Variants in DOCK2 observed in about 807,000 individuals in gnomAD.
DOCK2 encodes dedicator of cytokinesis protein 2.
A neutral mutation model predicts 248.9 loss-of-function variants in DOCK2; 87 were observed. The observed-to-expected ratio is 0.35, with a 90% CI of 0.29 to 0.42. The LOEUF (loss-of-function observed/expected upper bound fraction) is 0.42. DOCK2 is among the 10% of genes least tolerant of loss of function. The pLI, the probability that DOCK2 is intolerant of heterozygous loss-of-function variation, is 1.00. For synonymous variants in DOCK2, 805 were observed against 821.6 expected (o/e 0.98, Z 0.35); for missense variants, 1,747 against 2,300.2 (o/e 0.76, Z 4.92).
intron 29 of DOCK2, among the ~76,000 whole-genome samples, chr5:169,989,562 G>A (rs1778156962): frequency 6.6e-6 from 1 of 152,188 alleles, no homozygotes; most frequent in Non-Finnish European, 1.5e-5. Flanking sequence ...TCTAGCTGGG[G>A]AAACAATAAA....
At chr5:169,919,754 G>C (rs149492617) in intron 27 of DOCK2, among the ~76,000 whole-genome samples, 3 of 152,086 alleles carry the variant, frequency 2.0e-5, no homozygotes, top group Non-Finnish European at 4.4e-5. Context: ...CTGCTAATGT[G>C]GGGGCAACTG....
intron 27 of DOCK2, among the ~76,000 whole-genome samples, chr5:169,908,261 T>C (rs1302637452): frequency 6.6e-6 from 1 of 152,188 alleles, no homozygotes; most frequent in East Asian, 1.9e-4. Context: ...TGGTGGCAAC[T>C]AGATTTATTG....
intron 26 of DOCK2, among the ~76,000 whole-genome samples, chr5:169,831,386 C>T (rs531212459): frequency 2.2e-4 from 34 of 152,272 alleles, no homozygotes; most frequent in African/African-American, 7.7e-4. Flanking sequence ...TTGCTTGCTG[C>T]GTTTAGGTAT....
At chr5:170,031,591 C>G (rs1756137413) in intron 34 of DOCK2, among the ~76,000 whole-genome samples, 2 of 152,228 alleles carry the variant, frequency 1.3e-5, no homozygotes, top group African/African-American at 4.8e-5. Flanking sequence ...AGGAAGTACT[C>G]AATAAGTGGT....
chr5:169,766,205 G>T (rs536904801), intron 25 of DOCK2, among the ~76,000 whole-genome samples: 163 of 151,978 alleles, frequency 1.1e-3, no homozygotes, highest in Admixed American at 1.7e-3. Context: ...GCAGTTTTTT[G>T]ATCCTTACCC....
intron 48 of DOCK2, among the ~76,000 whole-genome samples, 193 bp from the exon 49 acceptor site, chr5:170,078,782 C>T (rs964705894): frequency 9.2e-5 from 14 of 152,226 alleles, no homozygotes; most frequent in African/African-American, 3.1e-4. Context: ...GTGAACTTTA[C>T]TCATCACATT....
rs1406462827 is a variant in DOCK2, at chr5:169,764,280, G to A, written c.2554+2655G>A. Among the ~76,000 whole-genome samples, 1 of 152,186 alleles carries A rather than the reference G, an allele frequency of 6.6e-6. No individual in the cohort carries two copies. The highest frequency in any genetic ancestry group is 2.1e-4 in the South Asian group (1 of 4,830). On this transcript the variant is annotated intron_variant, in intron 25 of 51. Transcript: ENST00000520908. This position sits in a 1 kb window ranked among gnomAD's most constrained non-coding sequence, Gnocchi z 4.3. ...CCTTGAACATTTGTATTGACATTAAGCGGAGGGACCAGAAGGCTTTTAAGC... is the reference window on the plus strand; with the variant it reads ...CCTTGAACATTTGTATTGACATTAAACGGAGGGACCAGAAGGCTTTTAAGC...
At chr5:169,761,253 A>G (rs1764473130) in intron 24 of DOCK2, 1 of 348,144 alleles carries the variant, frequency 2.9e-6, no homozygotes, top group Non-Finnish European at 5.3e-6. Flanking sequence ...GGCATAATGA[A>G]TGCAAAATGC....
At chr5:169,920,255 T>G (rs42421) in intron 27 of DOCK2, among the ~76,000 whole-genome samples, 62,709 of 152,000 alleles carry the variant, frequency 0.41, 13,843 homozygotes, top group African/African-American at 0.57. Flanking sequence ...ATTATGCAGT[T>G]ATTATGATGT....
chr5:169,882,059 T>A (rs1336900004), intron 27 of DOCK2, among the ~76,000 whole-genome samples: 1 of 152,190 alleles, frequency 6.6e-6, no homozygotes, highest in Non-Finnish European at 1.5e-5. Context: ...AATTAGTTGG[T>A]CATTGATGGG....
intron 8 of DOCK2, among the ~76,000 whole-genome samples, chr5:169,688,052 G>A (rs1248807333): frequency 6.6e-6 from 1 of 152,180 alleles, no homozygotes; most frequent in Non-Finnish European, 1.5e-5. Context: ...AGCCACCCTA[G>A]TAGCTGGGAC....
intron 27 of DOCK2, among the ~76,000 whole-genome samples, chr5:169,964,207 C>T (rs1408093643): frequency 6.6e-6 from 1 of 152,152 alleles, no homozygotes; most frequent in Non-Finnish European, 1.5e-5. Flanking sequence ...GAATTACATT[C>T]TGTGCTTTAT....
At chr5:169,747,578 T>A in intron 23 of DOCK2, 74 bp downstream of exon 23, 1 of 1,320,088 alleles carries the variant, frequency 7.6e-7, no homozygotes, top group Non-Finnish European at 1.0e-6. Context: ...AGATAATATC[T>A]TCTTTTACTT....
intron 32 of DOCK2, among the ~76,000 whole-genome samples, chr5:170,010,444 C>G (rs1183361507): frequency 6.6e-6 from 1 of 152,140 alleles, no homozygotes. Flanking sequence ...CAGCCGGCAC[C>G]TGGCCTCAGG....
At chr5:169,658,452 C>G (rs1561574835) in intron 2 of DOCK2, among the ~76,000 whole-genome samples, 1 of 128,270 alleles carries the variant, frequency 7.8e-6, no homozygotes. Flanking sequence ...TGCACTCCAG[C>G]CTGGGAGACA....
In DOCK2 at chr5:169,764,049, G is replaced by A. The variant is rs1343506969; in HGVS notation, c.2554+2424G>A. 6.6e-6 allele frequency among the ~76,000 whole-genome samples: 1 copy of A among 152,160 alleles called. No individual in the cohort carries two copies. The highest frequency in any genetic ancestry group is 2.1e-4 in the South Asian group (1 of 4,824). ...TGCTTACTAGGTGTCCATCGACCTC[G>A]GGTGAGCATCTCTCTTTATACCCTT... On this transcript the variant is annotated intron_variant, in intron 25 of 51. Coordinates refer to ENST00000520908, the MANE Select transcript of DOCK2 (RefSeq NM_004946.3). This position sits in a 1 kb window ranked among gnomAD's most constrained non-coding sequence, Gnocchi z 4.3.
At chr5:169,939,970 G>A (rs1052729968) in intron 27 of DOCK2, among the ~76,000 whole-genome samples, 6 of 152,178 alleles carry the variant, frequency 3.9e-5, no homozygotes, top group Non-Finnish European at 7.3e-5. Context: ...AAGGATAGTT[G>A]GCTATGAAGA....
chr5:169,755,915 C>T (rs111527735), intron 23 of DOCK2, among the ~76,000 whole-genome samples: 4,670 of 152,212 alleles, frequency 0.031, 91 homozygotes, highest in Middle Eastern at 0.048. Context: ...GTCACCTGCC[C>T]CAGTGTGTCA....
intron 27 of DOCK2, among the ~76,000 whole-genome samples, chr5:169,913,787 T>A (rs1261928947): frequency 2.0e-5 from 3 of 152,170 alleles, no homozygotes; most frequent in Non-Finnish European, 4.4e-5. Context: ...TTTTGATCAA[T>A]GAGGAATTAG....
Sources: allele counts gnomAD v4.1 joint callset (sites outside exome capture counted in the v4.1 genomes callset), GRCh38; gene constraint gnomAD v4.1.1; non-coding constraint Gnocchi (gnomAD v3.1); transcripts MANE v1.5; gene names NCBI Gene and HGNC (gene_info 2026-07-23, HGNC 2026-07-21).